PTPRO: variants seen among roughly 807,000 people sequenced by gnomAD.
PTPRO encodes receptor-type tyrosine-protein phosphatase O.
PTPRO carries 62 observed loss-of-function variants against 145.2 expected under a neutral mutation model. That is an observed-to-expected ratio of 0.43 (90% CI 0.35 to 0.53). The LOEUF (loss-of-function observed/expected upper bound fraction) is 0.53. PTPRO is among the 20% of genes least tolerant of loss of function. PTPRO has a pLI of 0.01. For synonymous variants in PTPRO, 565 were observed against 514.7 expected (o/e 1.10, Z -1.32); for missense variants, 1,345 against 1,482.7 (o/e 0.91, Z 1.53).
intron 1 of PTPRO, among the ~76,000 whole-genome samples, chr12:15,435,975 G>A (rs56195409): frequency 7.2e-5 from 11 of 152,274 alleles, no homozygotes; most frequent in Non-Finnish European, 1.3e-4. Context: ...TCGATCTACC[G>A]TGTACCAATA....
intron 1 of PTPRO, among the ~76,000 whole-genome samples, chr12:15,398,321 A>G (rs1305809651): frequency 6.6e-6 from 1 of 152,178 alleles, no homozygotes; most frequent in African/African-American, 2.4e-5. Flanking sequence ...GTGTTTTTAA[A>G]TCATAGTTCT....
chr12:15,462,772 T>C (rs979847645), intron 1 of PTPRO, among the ~76,000 whole-genome samples: 1 of 152,226 alleles, frequency 6.6e-6, no homozygotes, highest in Non-Finnish European at 1.5e-5. Context: ...ACTTAATGTA[T>C]GCTAGCTATT....
chr12:15,574,432 C>T (rs921779791), intron 19 of PTPRO, among the ~76,000 whole-genome samples: 1 of 152,182 alleles, frequency 6.6e-6, no homozygotes, highest in Admixed American at 6.5e-5. Context: ...AATGTCTGTG[C>T]TTAGTGTTTG....
intron 1 of PTPRO, among the ~76,000 whole-genome samples, chr12:15,357,681 G>A (rs11056445): frequency 0.23 from 34,499 of 148,218 alleles, 4,269 homozygotes; most frequent in Non-Finnish European, 0.28. Context: ...CAAAACCACA[G>A]TGAGATACCA....
At chr12:15,441,988 AAC>A (rs1940779756) in intron 1 of PTPRO, among the ~76,000 whole-genome samples, 2 of 152,182 alleles carry the variant, frequency 1.3e-5, no homozygotes. Context: ...AGTCCCTTCT[AAC>A]ACATTCTACA....
intron 1 of PTPRO, among the ~76,000 whole-genome samples, chr12:15,390,298 A>G (rs1276960045): frequency 6.6e-6 from 1 of 152,160 alleles, no homozygotes; most frequent in East Asian, 1.9e-4. Context: ...ATAAAGACAT[A>G]CCAGAGACTG....
At chr12:15,341,023 T>C (rs1439761156) in intron 1 of PTPRO, among the ~76,000 whole-genome samples, 2 of 152,186 alleles carry the variant, frequency 1.3e-5, no homozygotes, top group Admixed American at 6.5e-5. Context: ...CATAAAAAAT[T>C]ACATCCCCAG....
chr12:15,397,564 T>C (rs1443994749), intron 1 of PTPRO, among the ~76,000 whole-genome samples: 5 of 152,126 alleles, frequency 3.3e-5, no homozygotes, highest in Non-Finnish European at 7.4e-5. Context: ...TCATTTTACC[T>C]CCAACTGAGA....
intron 17 of PTPRO, among the ~76,000 whole-genome samples, chr12:15,564,826 A>G (rs552691487): frequency 6.6e-6 from 1 of 152,354 alleles, no homozygotes; most frequent in African/African-American, 2.4e-5. Flanking sequence ...CTATTTATAG[A>G]CAACAATAAG....
intron 7 of PTPRO, among the ~76,000 whole-genome samples, chr12:15,515,033 G>A (rs947163802): frequency 1.5e-4 from 23 of 151,776 alleles, no homozygotes; most frequent in African/African-American, 5.3e-4. Flanking sequence ...CCAAAGTGCT[G>A]GGATTACACG....
chr12:15,595,153 T>G (rs1944634032), intron 26 of PTPRO, 96 bp downstream of exon 26: 3 of 794,848 alleles, frequency 3.8e-6, no homozygotes, highest in Non-Finnish European at 6.4e-6. Context: ...CCATTTGTAT[T>G]GACTCTGACT....
chr12:15,542,810 C>T (rs949281563), intron 12 of PTPRO, among the ~76,000 whole-genome samples: 2 of 152,142 alleles, frequency 1.3e-5, no homozygotes, highest in African/African-American at 4.8e-5. Context: ...CTGTATTTTA[C>T]ATTTGCAACA....
intron 1 of PTPRO, among the ~76,000 whole-genome samples, chr12:15,371,387 A>G (rs145425173): frequency 0.037 from 5,649 of 152,146 alleles, 159 homozygotes; most frequent in East Asian, 0.12. Flanking sequence ...ACCCGCCACC[A>G]CGCCAGGCTA....
At chr12:15,587,236 C>T (rs1320679818) in intron 24 of PTPRO, 185 bp downstream of exon 24, 1 of 675,240 alleles carries the variant, frequency 1.5e-6, no homozygotes. Flanking sequence ...TGTATCTATA[C>T]CCTATAAAAT....
At chr12:15,568,986 G>A (rs1943973516) in intron 18 of PTPRO, among the ~76,000 whole-genome samples, 1 of 152,176 alleles carries the variant, frequency 6.6e-6, no homozygotes, top group African/African-American at 2.4e-5. Flanking sequence ...TTATGGATGA[G>A]AACATTGACT....
chr12:15,355,809 G>A (rs55716164), intron 1 of PTPRO, among the ~76,000 whole-genome samples: 36,903 of 152,124 alleles, frequency 0.24, 4,696 homozygotes, highest in Non-Finnish European at 0.29. Context: ...CTATTATTGT[G>A]TAAAAGAAAA....
At chr12:15,560,305 C>A (rs2135584697) in intron 17 of PTPRO, 29 bp downstream of exon 17, 1 of 1,475,706 alleles carries the variant, frequency 6.8e-7, no homozygotes, top group Non-Finnish European at 9.5e-7. Context: ...CTGTTTAACA[C>A]AAACTCTTTA....
At chr12:15,360,833 T>A (rs1437020080) in intron 1 of PTPRO, among the ~76,000 whole-genome samples, 1 of 143,722 alleles carries the variant, frequency 7.0e-6, no homozygotes, top group Non-Finnish European at 1.5e-5. Context: ...TGTGTGTATA[T>A]ATATACGTGT....
Position 15,524,814 on chromosome 12 carries a change from C to T in PTPRO, c.1892C>T (p.Ala631Val). The stretch of plus-strand genomic sequence containing the variant: ...ATTGTGCCTCGTTTCTCCCTTGTAG[C>T]CCCAGTGGCTCCGGAAATCACTTCT... ...CDSSTISFIT[A>V]PVAPEITSVE... The change falls in exon 11 of 27, where the codon GCC becomes GTC. Residue 631 changes from alanine (A) to valine (V), a missense_variant and splice_region_variant. Physicochemically the swap from Ala to Val is moderately conservative, Grantham distance 64. Transcript: ENST00000281171. The T allele has an allele frequency of 6.2e-7, 1 of 1,612,362 alleles. No homozygotes were observed. Among genetic ancestry groups the T allele is most frequent in the African/African-American group, 1.3e-5 (1 of 74,998 alleles).
Sources: allele counts gnomAD v4.1 joint callset (sites outside exome capture counted in the v4.1 genomes callset), GRCh38; gene constraint gnomAD v4.1.1; transcripts MANE v1.5; gene names NCBI Gene and HGNC (gene_info 2026-07-23, HGNC 2026-07-21).